The following SPOCK3 variants were observed in gnomAD, a reference collection of about 807,000 sequenced individuals.
SPOCK3 encodes the protein SPARC (osteonectin), cwcv and kazal like domains proteoglycan 3, also known as testican-3.
Under a neutral mutation model 56.6 loss-of-function variants are expected in SPOCK3, and 30 were observed. That is an observed-to-expected ratio of 0.53 (90% CI 0.40 to 0.72). The LOEUF is 0.72. SPOCK3 is among the 30% of genes least tolerant of loss of function. The pLI, the probability that SPOCK3 is intolerant of heterozygous loss-of-function variation, is 0.00. For synonymous variants in SPOCK3, 196 were observed against 183.3 expected, an observed-to-expected ratio of 1.07 and a Z score of -0.56; for missense variants, 527 against 530.0, an observed-to-expected ratio of 0.99 and a Z score of 0.06.
chr4:167,009,016 T>C (rs150239913), intron 3 of SPOCK3, among the ~76,000 whole-genome samples: 1 of 152,154 alleles, frequency 6.6e-6, no homozygotes, highest in Non-Finnish European at 1.5e-5. Context: ...AATACACCCC[T>C]AAAAAATTTT....
chr4:166,835,371 A>G (rs1419572927), intron 6 of SPOCK3, among the ~76,000 whole-genome samples: 2 of 152,198 alleles, frequency 1.3e-5, no homozygotes, highest in African/African-American at 2.4e-5. Context: ...TTCAAAAACA[A>G]TATTTAAGTA....
chr4:166,834,090 G>A (rs1251761800), intron 6 of SPOCK3, among the ~76,000 whole-genome samples: 1 of 152,098 alleles, frequency 6.6e-6, no homozygotes, highest in Non-Finnish European at 1.5e-5. Context: ...GGAGGGGTGA[G>A]AGAAATGTGT....
chr4:166,883,397 C>T (rs2126988085), intron 6 of SPOCK3: 1 of 152,246 alleles, frequency 6.6e-6, no homozygotes, highest in Admixed American at 6.5e-5. Context: ...TGATTACAAA[C>T]CTATACTCAT....
intron 3 of SPOCK3, among the ~76,000 whole-genome samples, chr4:167,058,533 T>G (rs564646646): frequency 6.6e-6 from 1 of 152,110 alleles, no homozygotes; most frequent in African/African-American, 2.4e-5. Flanking sequence ...ATTCCATGCT[T>G]GTGGGTAGGA....
intron 6 of SPOCK3, among the ~76,000 whole-genome samples, chr4:166,850,041 A>T (rs1255040423): frequency 6.7e-6 from 1 of 149,992 alleles, no homozygotes; most frequent in African/African-American, 2.5e-5. Flanking sequence ...GCTACTATGA[A>T]CACAGATCTA....
chr4:167,021,588 C>A (rs1179292589), intron 3 of SPOCK3, among the ~76,000 whole-genome samples: 2 of 151,962 alleles, frequency 1.3e-5, no homozygotes, highest in Non-Finnish European at 2.9e-5. Context: ...CACATCCCTA[C>A]CCCTCTCTCC....
At chr4:167,216,360 C>A (rs952999176) in intron 2 of SPOCK3, among the ~76,000 whole-genome samples, 2 of 151,780 alleles carry the variant, frequency 1.3e-5, no homozygotes, top group African/African-American at 4.8e-5. Context: ...AGAACAAGAT[C>A]AGAACTATGA....
intron 4 of SPOCK3, among the ~76,000 whole-genome samples, chr4:166,928,742 G>A (rs746755144): frequency 7.9e-5 from 12 of 152,260 alleles, no homozygotes; most frequent in East Asian, 1.9e-4. Context: ...AGGCCTAGGC[G>A]GGCGGATCGT....
rs115672622 is a variant in SPOCK3 at position 167,097,809 on chromosome 4, G to A, written c.190-35272C>T. ...GGAATCAATGTTGGTGATCATCAGT[G>A]GTGGAATGGAAAAAGAAAATGTGAT... On this transcript the variant is annotated intron_variant, in intron 2 of 10. Coordinates refer to ENST00000357545, the MANE Select transcript of SPOCK3 (RefSeq NM_001040159.2). 8.8e-3 allele frequency among the ~76,000 whole-genome samples: 1,342 copies of A among 151,866 alleles called. 17 individuals are homozygous for A. Among genetic ancestry groups the A allele is most frequent in the African/African-American group, 0.031 (1,265 of 41,440 alleles).
intron 3 of SPOCK3, among the ~76,000 whole-genome samples, chr4:167,009,148 T>A (rs1186075398): frequency 6.6e-6 from 1 of 152,022 alleles, no homozygotes; most frequent in Non-Finnish European, 1.5e-5. Flanking sequence ...AAATTATAAT[T>A]AAAAAATATT....
intron 2 of SPOCK3, among the ~76,000 whole-genome samples, chr4:167,071,092 A>C (rs1756630477): frequency 6.6e-6 from 1 of 151,986 alleles, no homozygotes; most frequent in Non-Finnish European, 1.5e-5. Flanking sequence ...TTTGTCTCTG[A>C]AAGTCTCTGA....
chr4:167,093,451 T>A (rs1219869720), intron 2 of SPOCK3, among the ~76,000 whole-genome samples: 1 of 151,936 alleles, frequency 6.6e-6, no homozygotes, highest in East Asian at 1.9e-4. Flanking sequence ...TAACCCCCCA[T>A]CCCCTGACAG....
At chr4:166,984,016 T>C (rs1489520271) in intron 4 of SPOCK3, among the ~76,000 whole-genome samples, 1 of 151,924 alleles carries the variant, frequency 6.6e-6, no homozygotes. Context: ...TTTAGAAAAA[T>C]TGTAGAAAAC....
intron 4 of SPOCK3, among the ~76,000 whole-genome samples, chr4:166,971,411 C>T (rs896178433): frequency 4.0e-5 from 6 of 151,040 alleles, no homozygotes; most frequent in Admixed American, 1.3e-4. Flanking sequence ...TAAGAGGATT[C>T]GAAGATTACT....
chr4:167,209,737 T>C lies in SPOCK3; in HGVS notation c.189+24248A>G, dbSNP rs183940243. 2.1e-3 allele frequency among the ~76,000 whole-genome samples: 327 copies of C among 152,228 alleles called. 1 individual carries two copies. Among genetic ancestry groups the C allele is most frequent in the African/African-American group, 7.5e-3 (311 of 41,542 alleles). On this transcript the variant is annotated intron_variant, in intron 2 of 10. Coordinates refer to ENST00000357545, the MANE Select transcript of SPOCK3 (RefSeq NM_001040159.2). ...AGCATGTGCTTAGAACACTAGCAAATTGGGGACACTCAGACAACTGGGGAC... is the reference window on the plus strand; with the variant it reads ...AGCATGTGCTTAGAACACTAGCAAACTGGGGACACTCAGACAACTGGGGAC...
chr4:166,835,383 A>G (rs1157509806), intron 6 of SPOCK3, among the ~76,000 whole-genome samples: 1 of 152,218 alleles, frequency 6.6e-6, no homozygotes, highest in Non-Finnish European at 1.5e-5. Flanking sequence ...ATTTAAGTAG[A>G]AGACACCAAA....
At chr4:166,841,322 G>A (rs998425867) in intron 6 of SPOCK3, among the ~76,000 whole-genome samples, 2 of 152,020 alleles carry the variant, frequency 1.3e-5, no homozygotes, top group Admixed American at 1.3e-4. Flanking sequence ...CATACCAGTA[G>A]GATGTCACAG....
intron 4 of SPOCK3, among the ~76,000 whole-genome samples, chr4:166,966,257 G>A (rs779061191): frequency 1.4e-5 from 2 of 139,198 alleles, no homozygotes; most frequent in South Asian, 2.3e-4. Context: ...TTTTTTTCCC[G>A]TCAAGTGTTT....
At chr4:167,007,215 T>C (rs940917516) in intron 3 of SPOCK3, among the ~76,000 whole-genome samples, 9 of 152,148 alleles carry the variant, frequency 5.9e-5, no homozygotes, top group Admixed American at 1.3e-4. Flanking sequence ...CAGTCATCCT[T>C]TTGTATCTGT....
Sources: allele counts gnomAD v4.1 joint callset (sites outside exome capture counted in the v4.1 genomes callset), GRCh38; gene constraint gnomAD v4.1.1; transcripts MANE v1.5; gene names NCBI Gene and HGNC (gene_info 2026-07-23, HGNC 2026-07-21).